CDH18: variants seen among roughly 807,000 people sequenced by gnomAD.
CDH18 encodes the protein cadherin-18.
CDH18 carries 31 observed loss-of-function variants against 67.9 expected under a neutral mutation model. That is an observed-to-expected ratio of 0.46 (90% CI 0.34 to 0.62). CDH18 has a LOEUF of 0.62. Ranked by LOEUF, CDH18 falls within the 20% of genes least tolerant of loss-of-function variation. CDH18 has a pLI of 0.01. For missense variants in CDH18, 890 were observed against 975.5 expected, an observed-to-expected ratio of 0.91 and a Z score of 1.17; for synonymous variants, 362 against 347.2, an observed-to-expected ratio of 1.04 and a Z score of -0.48.
intron 2 of CDH18, among the ~76,000 whole-genome samples, chr5:20,130,456 T>C (rs897289150): frequency 2.6e-5 from 4 of 151,206 alleles, no homozygotes; most frequent in Non-Finnish European, 4.4e-5. Context: ...TCACCCACAT[T>C]ACCTAAAATA....
intron 6 of CDH18, among the ~76,000 whole-genome samples, chr5:19,610,943 T>C (rs1748852070): frequency 6.6e-6 from 1 of 152,164 alleles, no homozygotes; most frequent in Non-Finnish European, 1.5e-5. Context: ...CATTATCTTA[T>C]CTCTGGCATC....
intron 3 of CDH18, among the ~76,000 whole-genome samples, chr5:19,789,733 G>A (rs888226752): frequency 6.6e-6 from 1 of 152,070 alleles, no homozygotes; most frequent in Non-Finnish European, 1.5e-5. Context: ...TCTTTGAACT[G>A]CTGAAGTTAT....
chr5:19,519,823 C>A (rs191334942), intron 10 of CDH18, among the ~76,000 whole-genome samples: 263 of 152,138 alleles, frequency 1.7e-3, no homozygotes, highest in African/African-American at 5.9e-3. Flanking sequence ...GGGTCTGTAT[C>A]AGAAAGAAAC....
At chr5:19,769,117 G>C (rs985074805) in intron 3 of CDH18, among the ~76,000 whole-genome samples, 7 of 151,960 alleles carry the variant, frequency 4.6e-5, no homozygotes, top group African/African-American at 1.4e-4. Flanking sequence ...CAGAAATAGA[G>C]AGAGAAAAGG....
intron 1 of CDH18, among the ~76,000 whole-genome samples, chr5:20,455,893 T>A (rs1410314072): frequency 3.9e-5 from 6 of 152,110 alleles, no homozygotes; most frequent in Non-Finnish European, 8.8e-5. Flanking sequence ...TACAGCTAAG[T>A]AAGCTGTTCA....
intron 5 of CDH18, among the ~76,000 whole-genome samples, chr5:19,672,617 C>T (rs1758907055): frequency 6.6e-6 from 1 of 151,852 alleles, no homozygotes; most frequent in Non-Finnish European, 1.5e-5. Context: ...CTCCACTGGT[C>T]TATGGTATTA....
intron 2 of CDH18, chr5:19,877,877 T>A (rs1473766757): frequency 1.3e-5 from 2 of 152,128 alleles, no homozygotes; most frequent in African/African-American, 2.4e-5. Flanking sequence ...ATTCACAAAA[T>A]CATTTCGCAT....
At chr5:20,099,098 A>T (rs1421555193) in intron 2 of CDH18, among the ~76,000 whole-genome samples, 1 of 152,216 alleles carries the variant, frequency 6.6e-6, no homozygotes, top group Non-Finnish European at 1.5e-5. Context: ...ACTTGCAAAG[A>T]TGTTGATATT....
At chr5:20,261,949 C>T (rs1744690673) in intron 1 of CDH18, among the ~76,000 whole-genome samples, 1 of 149,526 alleles carries the variant, frequency 6.7e-6, no homozygotes, top group Non-Finnish European at 1.5e-5. Context: ...ATAAGGATTG[C>T]CAGAGAAAAA....
At chr5:19,679,911 T>C (rs1316361370) in intron 5 of CDH18, among the ~76,000 whole-genome samples, 1 of 151,952 alleles carries the variant, frequency 6.6e-6, no homozygotes, top group Non-Finnish European at 1.5e-5. Flanking sequence ...AAACTACCAA[T>C]GTCATTTTTC....
rs1023259728 is a variant in CDH18, at chr5:20,012,586, G to T, written c.-517-20572C>A. 1.2e-4 allele frequency among the ~76,000 whole-genome samples: 18 copies of T among 151,946 alleles called. 1 individual carries two copies. Among genetic ancestry groups the T allele is most frequent in the Admixed American group, 1.2e-3 (18 of 15,228 alleles). On this transcript the variant is annotated intron_variant, in intron 2 of 14. Coordinates refer to the CDH18 transcript ENST00000507958. ...AGGAGGTGAAAGATCTCTACAAAGA[G>T]AACTAAATACAAACCACTGCTTAAA...
rs1415139267 is a variant in CDH18, at chr5:19,586,562, T to C, written c.999+4495A>G. ...GTAGTTCCTTTTTATTGCTGCATAG[T>C]ATTGCGTGGTGTATATGCACCACAT... On this transcript the variant is annotated intron_variant, in intron 7 of 12. Transcript: ENST00000382275. Among the ~76,000 whole-genome samples the C allele has an allele frequency of 3.3e-5, 5 of 152,350 alleles. No individual in the cohort carries two copies. The East Asian group carries it at 9.6e-4, about 29-fold the overall frequency.
intron 1 of CDH18, among the ~76,000 whole-genome samples, chr5:20,552,725 C>T (rs1275023130): frequency 3.3e-5 from 5 of 151,590 alleles, no homozygotes; most frequent in African/African-American, 9.7e-5. Context: ...TTCATTTTCT[C>T]AAAAAGGAGT....
In CDH18 at chr5:19,662,959, T is replaced by C. The variant is rs114868937; in HGVS notation, c.644-50358A>G. ...GACTGAATAAATTGGTTAGAAAAGTTTAGGAGAATAAATATGCCCGCTTAA... is the reference window on the plus strand; with the variant it reads ...GACTGAATAAATTGGTTAGAAAAGTCTAGGAGAATAAATATGCCCGCTTAA... On this transcript the variant is annotated intron_variant, in intron 5 of 12. Coordinates refer to ENST00000382275, the MANE Select transcript of CDH18 (RefSeq NM_004934.5). 4.0e-3 allele frequency among the ~76,000 whole-genome samples: 604 copies of C among 152,098 alleles called. 2 individuals carry two copies. Among genetic ancestry groups the C allele is most frequent in the African/African-American group, 0.014 (570 of 41,542 alleles).
chr5:20,261,951 A>AAT (rs1744691314), intron 1 of CDH18, among the ~76,000 whole-genome samples: 1 of 152,124 alleles, frequency 6.6e-6, no homozygotes, highest in Non-Finnish European at 1.5e-5. Flanking sequence ...AAGGATTGCC[A>AAT]GAGAAAAATA....
intron 1 of CDH18, among the ~76,000 whole-genome samples, chr5:20,316,214 A>T (rs1737446913): frequency 6.6e-6 from 1 of 152,098 alleles, no homozygotes; most frequent in Admixed American, 6.5e-5. Flanking sequence ...TAAATCCATG[A>T]GTTTAAATAT....
At chr5:20,282,316 T>A (rs1471532510) in intron 1 of CDH18, among the ~76,000 whole-genome samples, 1 of 152,158 alleles carries the variant, frequency 6.6e-6, no homozygotes. Flanking sequence ...ATGCTTCCAG[T>A]TTTTGCCCAT....
intron 2 of CDH18, among the ~76,000 whole-genome samples, chr5:19,923,915 T>A (rs180740907): frequency 2.7e-4 from 41 of 152,268 alleles, no homozygotes; most frequent in African/African-American, 9.9e-4. Flanking sequence ...TGGCTGCAGA[T>A]CAAGTGCCAC....
intron 11 of CDH18, among the ~76,000 whole-genome samples, chr5:19,488,136 T>A (rs1316611194): frequency 6.6e-6 from 1 of 152,194 alleles, no homozygotes; most frequent in African/African-American, 2.4e-5. Context: ...GGATAGACTT[T>A]AATTTATGTG....
Sources: allele counts gnomAD v4.1 joint callset (sites outside exome capture counted in the v4.1 genomes callset), GRCh38; gene constraint gnomAD v4.1.1; transcripts MANE v1.5; gene names NCBI Gene and HGNC (gene_info 2026-07-23, HGNC 2026-07-21).